Variants in SEM1 observed in about 807,000 individuals in gnomAD.
The protein encoded by SEM1 is SEM1 26S proteasome subunit.
SEM1 carries 3 observed loss-of-function variants against 12.7 expected under a neutral mutation model. The observed-to-expected ratio is 0.24, with a 90% CI of 0.11 to 0.61. SEM1 has a LOEUF of 0.61. Among genes scored for constraint, SEM1 ranks in the 20% least tolerant of loss-of-function variants. The pLI, the probability that SEM1 is intolerant of heterozygous loss-of-function variation, is 0.88. For missense variants in SEM1, 59 were observed against 81.3 expected, an observed-to-expected ratio of 0.73 and a Z score of 1.06; for synonymous variants, 30 against 27.8, an observed-to-expected ratio of 1.08 and a Z score of -0.25.
At chr7:96,554,234 T>A (rs1805399521) in intron 2 of SEM1, among the ~76,000 whole-genome samples, 1 of 127,120 alleles carries the variant, frequency 7.9e-6, no homozygotes, top group South Asian at 2.9e-4. Flanking sequence ...AACACTATGT[T>A]GAATAGGAGT....
chr7:96,588,428 A>G (rs1806725847), intron 2 of SEM1, among the ~76,000 whole-genome samples: 1 of 151,858 alleles, frequency 6.6e-6, no homozygotes, highest in South Asian at 2.1e-4. Flanking sequence ...GAAGAAAGGT[A>G]TATCATTTTG....
intron 2 of SEM1, among the ~76,000 whole-genome samples, chr7:96,636,050 A>C (rs1187523526): frequency 1.3e-5 from 2 of 152,094 alleles, no homozygotes; most frequent in Non-Finnish European, 2.9e-5. Flanking sequence ...TAAAAGAATC[A>C]ATGTCTTTTT....
At chr7:96,703,171 A>G (rs1015432966) in intron 1 of SEM1, among the ~76,000 whole-genome samples, 2 of 152,192 alleles carry the variant, frequency 1.3e-5, no homozygotes, top group Non-Finnish European at 2.9e-5. Context: ...TGCATTATAT[A>G]TTTACAACTG....
At chr7:96,567,929 C>T (rs537207430) in intron 2 of SEM1, among the ~76,000 whole-genome samples, 106 of 149,658 alleles carry the variant, frequency 7.1e-4, no homozygotes, top group African/African-American at 2.5e-3. Context: ...TACACACACA[C>T]ATGCACACAC....
chr7:96,662,581 A>C (rs534449785), intron 2 of SEM1, among the ~76,000 whole-genome samples: 2 of 152,300 alleles, frequency 1.3e-5, no homozygotes, highest in South Asian at 4.1e-4. Flanking sequence ...CGGGTCTTAA[A>C]ACCTAGATGA....
chr7:96,707,751 G>A (rs1387698001), intron 1 of SEM1, among the ~76,000 whole-genome samples: 2 of 152,096 alleles, frequency 1.3e-5, no homozygotes, highest in Non-Finnish European at 2.9e-5. Context: ...AAAAGCTGAT[G>A]AAAGTTGCTG....
At chr7:96,521,276 G>A (rs539212932) in intron 2 of SEM1, among the ~76,000 whole-genome samples, 1 of 152,188 alleles carries the variant, frequency 6.6e-6, no homozygotes, top group African/African-American at 2.4e-5. Flanking sequence ...AAGGATGTAG[G>A]TTGTTATTCA....
At chr7:96,669,090 C>T (rs969837682), downstream of SEM1, among the ~76,000 whole-genome samples, 3 of 152,200 alleles carry the variant, frequency 2.0e-5, no homozygotes, top group African/African-American at 4.8e-5. Flanking sequence ...TTTCAGACTT[C>T]TAGCCTCCAG....
downstream of SEM1, among the ~76,000 whole-genome samples, chr7:96,619,920 T>C (rs950442): frequency 0.96 from 146,664 of 151,998 alleles, 70,962 homozygotes; most frequent in East Asian, 1. Flanking sequence ...CTCAAAATGG[T>C]ACCTTCGTCT....
chr7:96,541,417 C>T (rs1479384196), intron 2 of SEM1, among the ~76,000 whole-genome samples: 1 of 144,834 alleles, frequency 6.9e-6, no homozygotes, highest in Non-Finnish European at 1.5e-5. Flanking sequence ...ATGTCTTTTC[C>T]CACTTTTTAA....
At chr7:96,597,257 C>G (rs560152487) in intron 2 of SEM1, among the ~76,000 whole-genome samples, 1 of 152,234 alleles carries the variant, frequency 6.6e-6, no homozygotes, top group African/African-American at 2.4e-5. Context: ...AATAATGCAT[C>G]TAAAACACTC....
chr7:96,583,291 T>A (rs1211310101), intron 2 of SEM1, among the ~76,000 whole-genome samples: 40 of 147,558 alleles, frequency 2.7e-4, no homozygotes, highest in Middle Eastern at 3.4e-3. Flanking sequence ...TTTGAGTGAG[T>A]TTCTTAATCC....
At chr7:96,566,233 A>T (rs1805840179) in intron 2 of SEM1, among the ~76,000 whole-genome samples, 1 of 151,744 alleles carries the variant, frequency 6.6e-6, no homozygotes, top group South Asian at 2.1e-4. Flanking sequence ...CCTTACAGAG[A>T]GGCAAATACT....
chr7:96,511,075 A>G (rs1447817823), intron 2 of SEM1, among the ~76,000 whole-genome samples: 3 of 152,080 alleles, frequency 2.0e-5, no homozygotes, highest in Non-Finnish European at 1.5e-5. Flanking sequence ...TTTTGATTCA[A>G]GCAAACGTCC....
exon 4 of SEM1, chr7:96,483,591 G>A (rs1802630087): frequency 4.5e-6 from 2 of 441,724 alleles, no homozygotes; most frequent in Non-Finnish European, 8.4e-6. Flanking sequence ...GAACCAGCCT[G>A]TTGGAGAAGT....
At chr7:96,706,936 A>G (rs185591352) in intron 1 of SEM1, among the ~76,000 whole-genome samples, 1 of 152,360 alleles carries the variant, frequency 6.6e-6, no homozygotes, top group Non-Finnish European at 1.5e-5. Flanking sequence ...TCAATGGCAT[A>G]CTTACAAGAA....
At chr7:96,632,553 G>C (rs984142083) in intron 2 of SEM1, among the ~76,000 whole-genome samples, 1 of 152,040 alleles carries the variant, frequency 6.6e-6, no homozygotes, top group African/African-American at 2.4e-5. Flanking sequence ...GGGCCTGTCA[G>C]GGGGTGGCGG....
At chr7:96,539,343 G>T (rs1208269730) in intron 2 of SEM1, among the ~76,000 whole-genome samples, 1 of 151,832 alleles carries the variant, frequency 6.6e-6, no homozygotes, top group Non-Finnish European at 1.5e-5. Flanking sequence ...GCTATTGGGA[G>T]TAATTTGGTA....
chr7:96,650,535 A>T, intron 2 of SEM1: 1 of 747,704 alleles, frequency 1.3e-6, no homozygotes, highest in Non-Finnish European at 2.4e-6. Flanking sequence ...GCATGAAAGG[A>T]GAGAAAGATA....
Sources: gnomAD v4.1 joint callset for allele counts (sites outside exome capture counted in the v4.1 genomes callset) on GRCh38, gnomAD v4.1.1 for gene constraint, MANE v1.5 for transcripts, NCBI Gene and HGNC (gene_info 2026-07-23, HGNC 2026-07-21) for gene names.